The following ARIH2 variants were observed in gnomAD, a reference collection of about 807,000 sequenced individuals.
ARIH2 encodes the protein E3 ubiquitin-protein ligase ARIH2.
In ARIH2, 12 loss-of-function variants were observed where a neutral mutation model predicts 79.8. The observed-to-expected ratio is 0.15, with a 90% CI of 0.10 to 0.24. The LOEUF is 0.24. Ranked by LOEUF, ARIH2 falls within the 10% of genes least tolerant of loss-of-function variation. The probability of loss-of-function intolerance (pLI) is 1.00; values close to 1 mark genes in which losing one functional copy is unlikely to be tolerated. For missense variants in ARIH2, 301 were observed against 618.3 expected, an observed-to-expected ratio of 0.49 and a Z score of 5.44; for synonymous variants, 224 against 213.9, an observed-to-expected ratio of 1.05 and a Z score of -0.41.
chr3:48,931,476 C>A lies in ARIH2; in HGVS notation c.255+3663C>A, dbSNP rs184312614. 8.0e-5 allele frequency among the ~76,000 whole-genome samples: 12 copies of A among 150,540 alleles called. No individual in the cohort carries two copies. The East Asian group carries it at 2.0e-3, about 25-fold the overall frequency. On this transcript the variant is annotated intron_variant, in intron 3 of 15. Transcript: ENST00000356401. Reference sequence around the variant, plus strand: ...AGGCAGGAGAATGGGTGTGAACCCGCGGGCAGAGGTTGCAGTGAGATGAGA... The same window carrying A: ...AGGCAGGAGAATGGGTGTGAACCCGAGGGCAGAGGTTGCAGTGAGATGAGA...
intron 3 of ARIH2, among the ~76,000 whole-genome samples, chr3:48,959,804 G>A (rs1326375683): frequency 3.3e-5 from 5 of 152,248 alleles, no homozygotes. Flanking sequence ...TACCTGGACT[G>A]TAGGACAGGA....
chr3:48,927,914 A>G (rs1219022664), intron 3 of ARIH2, 101 bp downstream of exon 3: 1 of 1,415,044 alleles, frequency 7.1e-7, no homozygotes, highest in African/African-American at 1.4e-5. Context: ...ATGGCCTTGT[A>G]GCTTGAAACC....
chr3:48,964,772 G>A (rs1007282752), intron 4 of ARIH2, 147 bp from the exon 5 acceptor site: 2 of 558,098 alleles, frequency 3.6e-6, no homozygotes, highest in Non-Finnish European at 6.3e-6. Context: ...GAGAAAAAAA[G>A]TCTTTGTACT....
chr3:48,955,121 C>G (rs1012867193), intron 3 of ARIH2, among the ~76,000 whole-genome samples: 1 of 152,164 alleles, frequency 6.6e-6, no homozygotes, highest in African/African-American at 2.4e-5. Context: ...TCACTTGAAC[C>G]CGAGAAGCAG....
intron 2 of ARIH2, 102 bp from the exon 3 acceptor site, chr3:48,927,360 G>C (rs1233293170): frequency 1.7e-6 from 1 of 602,584 alleles, no homozygotes; most frequent in Non-Finnish European, 2.8e-6. Context: ...ATAGGCTGTA[G>C]TGAGATTAGG....
intron 3 of ARIH2, among the ~76,000 whole-genome samples, chr3:48,955,584 G>A (rs2090484233): frequency 6.6e-6 from 1 of 152,216 alleles, no homozygotes; most frequent in Non-Finnish European, 1.5e-5. Flanking sequence ...TTATGAAAGT[G>A]TTGACTGTGA....
chr3:48,959,233 G>A (rs1247898674), intron 3 of ARIH2, among the ~76,000 whole-genome samples: 1 of 147,842 alleles, frequency 6.8e-6, no homozygotes, highest in Non-Finnish European at 1.5e-5. Context: ...GGAGAATGGC[G>A]TGAACCCGGG....
chr3:48,965,205 A>AC (rs1198589880), intron 5 of ARIH2, among the ~76,000 whole-genome samples: 14 of 151,286 alleles, frequency 9.3e-5, no homozygotes, highest in South Asian at 2.1e-4. Context: ...ATACAAAAAA[A>AC]AAAAATTAGC....
intron 3 of ARIH2, among the ~76,000 whole-genome samples, chr3:48,940,365 A>T (rs2087913324): frequency 6.6e-6 from 1 of 152,108 alleles, no homozygotes; most frequent in Non-Finnish European, 1.5e-5. Flanking sequence ...AAAAAGATAG[A>T]TAGATAGATT....
intron 2 of ARIH2, among the ~76,000 whole-genome samples, chr3:48,923,206 C>CA (rs924012562): frequency 1.3e-3 from 163 of 129,622 alleles, no homozygotes; most frequent in South Asian, 2.7e-3. Flanking sequence ...GACTCCGTCT[C>CA]AAAAAAAAAA....
intron 4 of ARIH2, among the ~76,000 whole-genome samples, chr3:48,963,645 A>T (rs555451314): frequency 6.6e-6 from 1 of 152,330 alleles, no homozygotes; most frequent in South Asian, 2.1e-4. Context: ...GCATACGTGT[A>T]GTTTTGTCTT....
intron 3 of ARIH2, among the ~76,000 whole-genome samples, chr3:48,942,795 G>A (rs2088518193): frequency 6.6e-6 from 1 of 151,982 alleles, no homozygotes; most frequent in South Asian, 2.1e-4. Flanking sequence ...GGGATTACAT[G>A]CACGTGCCAC....
chr3:48,956,819 C>T (rs2090646482), intron 3 of ARIH2, among the ~76,000 whole-genome samples: 1 of 151,902 alleles, frequency 6.6e-6, no homozygotes, highest in African/African-American at 2.4e-5. Context: ...CTGCCTCAGC[C>T]TCCTGATTTC....
chr3:48,933,285 TGTG>T (rs1274168048), intron 3 of ARIH2, among the ~76,000 whole-genome samples: 1 of 103,492 alleles, frequency 9.7e-6, no homozygotes, highest in Non-Finnish European at 2.0e-5. Flanking sequence ...TGTGTGTGTG[TGTG>T]ATCACAGGTG....
chr3:48,924,144 T>C (rs1036468657), intron 2 of ARIH2, among the ~76,000 whole-genome samples: 13 of 152,018 alleles, frequency 8.6e-5, no homozygotes, highest in Non-Finnish European at 1.8e-4. Context: ...CTCCATAGTC[T>C]TTTAGACTGG....
At chr3:48,962,375 CA>C (rs1316104810) in intron 4 of ARIH2, among the ~76,000 whole-genome samples, 20 of 142,808 alleles carry the variant, frequency 1.4e-4, no homozygotes, top group South Asian at 2.2e-4. Context: ...GACTCCATCT[CA>C]AAAAAAAAAA....
At chr3:48,919,889 A>AACTTACGTG (rs1200755687) in intron 1 of ARIH2, among the ~76,000 whole-genome samples, 2 of 152,084 alleles carry the variant, frequency 1.3e-5, no homozygotes, top group Non-Finnish European at 2.9e-5. Flanking sequence ...GACTCACTAA[A>AACTTACGTG]ACTTACGTGT....
At chr3:48,973,926 TC>T (rs1348795663) in intron 9 of ARIH2, 110 bp downstream of exon 9, 2 of 771,822 alleles carry the variant, frequency 2.6e-6, no homozygotes, top group Admixed American at 2.4e-5. Flanking sequence ...CCAGGACCCT[TC>T]CTGAGGACTG....
chr3:48,974,922 G>A, intron 10 of ARIH2, 36 bp from the exon 11 acceptor site: 1 of 1,614,022 alleles, frequency 6.2e-7, no homozygotes, highest in Non-Finnish European at 8.5e-7. Flanking sequence ...TGGTCAGTGT[G>A]CCCTTAACGT....
Sources: gnomAD v4.1 joint callset for allele counts (sites outside exome capture counted in the v4.1 genomes callset) on GRCh38, gnomAD v4.1.1 for gene constraint, MANE v1.5 for transcripts, NCBI Gene and HGNC (gene_info 2026-07-23, HGNC 2026-07-21) for gene names.